Variants in GREM2 observed in about 807,000 individuals in gnomAD.
The protein encoded by GREM2 is gremlin 2, DAN family BMP antagonist.
GREM2 carries 11 observed loss-of-function variants against 14.2 expected under a neutral mutation model. The observed-to-expected ratio is 0.78, with a 90% CI of 0.49 to 1.28. The LOEUF is 1.28. Ranked by LOEUF, GREM2 falls within the 50% of genes most tolerant of loss-of-function variation. The probability of loss-of-function intolerance (pLI) is 0.00; values close to 1 mark genes in which losing one functional copy is unlikely to be tolerated. For missense variants in GREM2, 210 were observed against 218.5 expected (o/e 0.96, Z 0.24); for synonymous variants, 98 against 97.6 (o/e 1.00, Z -0.02).
intron 1 of GREM2, among the ~76,000 whole-genome samples, chr1:240,553,844 G>A (rs1018518940): frequency 4.6e-5 from 7 of 152,268 alleles, no homozygotes; most frequent in African/African-American, 1.7e-4. Context: ...TATGGAGAAT[G>A]AGAATCTGAT....
chr1:240,595,254 C>T (rs956857180), intron 1 of GREM2, among the ~76,000 whole-genome samples: 2 of 152,160 alleles, frequency 1.3e-5, no homozygotes, highest in African/African-American at 4.8e-5. Context: ...ATCACTTGAA[C>T]CCAGGAGGTG....
intron 1 of GREM2, among the ~76,000 whole-genome samples, chr1:240,607,085 T>C (rs896693942): frequency 5.3e-5 from 8 of 152,308 alleles, no homozygotes; most frequent in African/African-American, 1.9e-4. Flanking sequence ...GCTAAGATTT[T>C]TGTAAGGATT....
At chr1:240,609,954 A>G (rs1680101559) in intron 1 of GREM2, among the ~76,000 whole-genome samples, 1 of 152,128 alleles carries the variant, frequency 6.6e-6, no homozygotes, top group African/African-American at 2.4e-5. Flanking sequence ...TGAACTGTTG[A>G]TTACCTCTCT....
chr1:240,509,615 G>A (rs530855582), intron 1 of GREM2, among the ~76,000 whole-genome samples: 6 of 151,998 alleles, frequency 3.9e-5, no homozygotes, highest in South Asian at 2.1e-4. Context: ...TGATCCGCCC[G>A]CCTCAGCCTC....
At chr1:240,508,153 T>C (rs1677723560) in intron 1 of GREM2, among the ~76,000 whole-genome samples, 1 of 152,198 alleles carries the variant, frequency 6.6e-6, no homozygotes, top group South Asian at 2.1e-4. Flanking sequence ...GAAAACTTCA[T>C]CAGGGTAGAG....
chr1:240,546,480 C>T (rs76779373), intron 1 of GREM2, among the ~76,000 whole-genome samples: 2,406 of 152,282 alleles, frequency 0.016, 58 homozygotes, highest in African/African-American at 0.046. Flanking sequence ...GGGCATGTCA[C>T]TACAAGGTCA....
intron 1 of GREM2, among the ~76,000 whole-genome samples, chr1:240,575,226 G>A (rs1194491299): frequency 6.6e-6 from 1 of 152,090 alleles, no homozygotes; most frequent in Non-Finnish European, 1.5e-5. Context: ...AACTGTGATA[G>A]TATTCACCCC....
chr1:240,519,037 G>A (rs1463357754), intron 1 of GREM2, among the ~76,000 whole-genome samples: 1 of 152,064 alleles, frequency 6.6e-6, no homozygotes, highest in African/African-American at 2.4e-5. Flanking sequence ...TACATATTAG[G>A]CTAAAAGTTT....
At chr1:240,563,101 GTGTGTATGTGTGTATATGTGAGTGTGTA>G (rs1558164319) in intron 1 of GREM2, among the ~76,000 whole-genome samples, 1 of 149,744 alleles carries the variant, frequency 6.7e-6, no homozygotes, top group Non-Finnish European at 1.5e-5. Flanking sequence ...ATGCGTGTAT[GTGTGTATGTGTGTATATGTGAGTGTGTA>G]TGTGTATGTG....
At chr1:240,555,699 A>T (rs1678943735) in intron 1 of GREM2, among the ~76,000 whole-genome samples, 2 of 152,252 alleles carry the variant, frequency 1.3e-5, no homozygotes, top group South Asian at 4.1e-4. Context: ...TTTATCAGAG[A>T]TCAAGAGATA....
At chr1:240,578,631 A>G (rs145420898) in intron 1 of GREM2, among the ~76,000 whole-genome samples, 4,257 of 151,894 alleles carry the variant, frequency 0.028, 140 homozygotes, top group African/African-American at 0.076. Context: ...CCAAAAATAC[A>G]AAAATTAGCC....
intron 1 of GREM2, among the ~76,000 whole-genome samples, chr1:240,567,288 A>G (rs1279639444): frequency 2.6e-5 from 4 of 152,172 alleles, no homozygotes; most frequent in African/African-American, 9.6e-5. Context: ...ACAATAGCCT[A>G]CTATTTCCAA....
intron 1 of GREM2, among the ~76,000 whole-genome samples, chr1:240,514,823 C>T (rs1258540507): frequency 6.6e-6 from 1 of 152,072 alleles, no homozygotes; most frequent in African/African-American, 2.4e-5. Flanking sequence ...TAGTTTGAAC[C>T]CAAGAGATCG....
intron 1 of GREM2, among the ~76,000 whole-genome samples, chr1:240,579,702 G>A (rs977945299): frequency 5.3e-5 from 8 of 152,166 alleles, no homozygotes; most frequent in African/African-American, 1.7e-4. Context: ...GAGTGCCAAC[G>A]GTTTCTGTCT....
chr1:240,560,028 G>A (rs1373813730), intron 1 of GREM2, among the ~76,000 whole-genome samples: 1 of 152,130 alleles, frequency 6.6e-6, no homozygotes, highest in African/African-American at 2.4e-5. Flanking sequence ...CACGCCTGTG[G>A]TCCCAGCTAC....
At position 240,516,905 on chromosome 1, in the gene GREM2, C is replaced by T. The variant is rs545427821; in HGVS notation, c.-1-23429G>A. ...TCGGCCAGGCTGATTTCAGTCTGGG[C>T]CCTGGAGCTAGACCGTCTAGGCTCC... On this transcript the variant is annotated intron_variant, in intron 1 of 1. Coordinates refer to ENST00000318160, the MANE Select transcript of GREM2 (RefSeq NM_022469.4). Among the ~76,000 whole-genome samples, 8 of 152,148 alleles carry T rather than the reference C, an allele frequency of 5.3e-5. No individual in the cohort carries two copies. In the South Asian group the frequency reaches 1.0e-3, roughly 20 times the overall value.
intron 1 of GREM2, among the ~76,000 whole-genome samples, chr1:240,597,353 C>CA (rs1430834620): frequency 6.6e-6 from 1 of 152,184 alleles, no homozygotes; most frequent in African/African-American, 2.4e-5. Context: ...AAGAAACTTT[C>CA]ACAGCAGAGC....
intron 1 of GREM2, among the ~76,000 whole-genome samples, chr1:240,580,250 A>G (rs564891071): frequency 3.7e-4 from 56 of 152,290 alleles, no homozygotes; most frequent in South Asian, 2.1e-4. Flanking sequence ...TTTAAATACA[A>G]ATTTTTAAAG....
chr1:240,522,952 GA>G (rs1678135758), intron 1 of GREM2, among the ~76,000 whole-genome samples: 1 of 152,104 alleles, frequency 6.6e-6, no homozygotes, highest in Non-Finnish European at 1.5e-5. Context: ...CTTTAACCAT[GA>G]AAAAAGAAGA....
Sources: allele counts gnomAD v4.1 joint callset (sites outside exome capture counted in the v4.1 genomes callset), GRCh38; gene constraint gnomAD v4.1.1; transcripts MANE v1.5; gene names NCBI Gene and HGNC (gene_info 2026-07-23, HGNC 2026-07-21).